Variants in PMM2 observed in about 807,000 individuals in gnomAD.
PMM2 encodes mannose-6-phosphate isomerase.
A neutral mutation model predicts 33.2 loss-of-function variants in PMM2; 35 were observed. The observed-to-expected ratio is 1.06, with a 90% CI of 0.81 to 1.40. The LOEUF is 1.40. Among genes scored for constraint, PMM2 ranks in the 40% most tolerant of loss-of-function variants. The pLI, the probability that PMM2 is intolerant of heterozygous loss-of-function variation, is 0.00. For missense variants in PMM2, 386 were observed against 306.0 expected (o/e 1.26, Z -1.95); for synonymous variants, 153 against 114.7 (o/e 1.33, Z -2.13).
chr16:8,847,425 A>G (rs972135700), intron 7 of PMM2, among the ~76,000 whole-genome samples: 11 of 148,722 alleles, frequency 7.4e-5, no homozygotes, highest in Admixed American at 5.4e-4. Context: ...TCACTCGCTG[A>G]TGCCTTCTGT....
intron 1 of PMM2, among the ~76,000 whole-genome samples, chr16:8,800,950 C>T (rs151234979): frequency 4.1e-4 from 63 of 152,258 alleles, no homozygotes; most frequent in African/African-American, 1.3e-3. Context: ...CCTAAAGTGC[C>T]GGGATTACAG....
intron 7 of PMM2, among the ~76,000 whole-genome samples, chr16:8,830,827 T>A (rs981959351): frequency 6.6e-6 from 1 of 152,254 alleles, no homozygotes; most frequent in African/African-American, 2.4e-5. Context: ...AGGAAAGAGC[T>A]GTTATCCTTT....
chr16:8,806,540 C>A, intron 4 of PMM2, 133 bp downstream of exon 4: 2 of 711,316 alleles, frequency 2.8e-6, no homozygotes, highest in South Asian at 3.0e-5. Flanking sequence ...TGATATTTAG[C>A]CCGCCCCTTG....
intron 6 of PMM2, among the ~76,000 whole-genome samples, chr16:8,812,353 T>C (rs2060682641): frequency 6.6e-6 from 1 of 152,188 alleles, no homozygotes; most frequent in Non-Finnish European, 1.5e-5. Flanking sequence ...CACCGATTTC[T>C]CTTGTCAGTG....
In PMM2 at chr16:8,833,641, G is replaced by A. The variant is rs369652788; in HGVS notation, c.640-14083G>A. On this transcript the variant is annotated intron_variant, in intron 7 of 7. Transcript: ENST00000268261. The stretch of plus-strand genomic sequence containing the variant: ...GTGGGAGAGATTAAGCTGAAGGGAG[G>A]TCTTGTGGTAAGGGGTGATATTGTG... Among the ~76,000 whole-genome samples the A allele has an allele frequency of 3.0e-4, 45 of 151,392 alleles. 1 individual carries two copies. The highest frequency in any genetic ancestry group is 1.7e-3 in the South Asian group (8 of 4,728).
Position 8,811,763 on chromosome 16 carries a change from G to A in PMM2, c.523+50G>A, listed in dbSNP as rs1188741169. On this transcript the variant is annotated intron_variant, in intron 6 of 7. Transcript: ENST00000268261. ...CAAACTTGGATACCCATTTCCCAGA[G>A]TTTGTTGTGGGCCAGTGAGCTATTG... The A allele has an allele frequency of 4.0e-6, 5 of 1,249,252 alleles. No homozygotes were observed. The African/African-American group carries it at 5.9e-5, about 15-fold the overall frequency. 77.4% of individuals were successfully genotyped at this position (1,249,252 alleles called of 1,614,324 possible).
chr16:8,832,891 C>T lies in PMM2; in HGVS notation c.640-14833C>T. The T allele has an allele frequency of 1.3e-5, 13 of 985,448 alleles. No homozygotes were observed. In the South Asian group the frequency reaches 5.2e-4, roughly 39 times the overall value. 61.0% of individuals were successfully genotyped at this position (985,448 alleles called of 1,614,324 possible). On this transcript the variant is annotated intron_variant, in intron 7 of 7. Coordinates refer to ENST00000268261, the MANE Select transcript of PMM2 (RefSeq NM_000303.3). ...TCCCTCAGATGCCAGGGTTCCCTCA[C>T]CCTCCAGGCCTGGCAGCCCTTCCCT...
At chr16:8,844,351 T>C (rs985267717) in intron 7 of PMM2, among the ~76,000 whole-genome samples, 4 of 151,866 alleles carry the variant, frequency 2.6e-5, no homozygotes, top group Non-Finnish European at 5.9e-5. Context: ...TGGGGGTTCT[T>C]ACCCTCCAGA....
Position 8,797,854 on chromosome 16 carries a change from C to T in PMM2, c.-29C>T. The T allele has an allele frequency of 6.2e-7, 1 of 1,608,116 alleles. No homozygotes were observed. Among genetic ancestry groups the T allele is most frequent in the South Asian group, 1.1e-5 (1 of 89,814 alleles). On this transcript the variant is annotated 5_prime_UTR_variant, in exon 1 of 8. Transcript: ENST00000268261. ...GGCCGAGTTCCTCGTGCCAACGTGT[C>T]TTGTAAGGTGCGGCTAGAAACTGGG... is the stretch of plus-strand genomic sequence containing the variant.
rs1011252741 is a variant in PMM2 at position 8,818,744 on chromosome 16, A to G, written c.639+5638A>G. The stretch of plus-strand genomic sequence containing the variant: ...GTGGCGTTGGCCGTTGCTTTTCAAA[A>G]TATTTGCCATCTTCAGAAACCCTGT... On this transcript the variant is annotated intron_variant, in intron 7 of 7. Coordinates refer to ENST00000268261, the MANE Select transcript of PMM2 (RefSeq NM_000303.3). Among the ~76,000 whole-genome samples the G allele has an allele frequency of 1.7e-4, 26 of 149,608 alleles. 1 individual carries two copies. The highest frequency in any genetic ancestry group is 6.7e-4 in the African/African-American group (26 of 39,018).
At chr16:8,833,367 T>C (rs11074943) in intron 7 of PMM2, among the ~76,000 whole-genome samples, 57,854 of 152,086 alleles carry the variant, frequency 0.38, 11,644 homozygotes, top group Non-Finnish European at 0.45. Flanking sequence ...CAGTTAAGGC[T>C]ATTTTTACTT....
At chr16:8,840,497 C>T (rs9797065) in intron 7 of PMM2, among the ~76,000 whole-genome samples, 6 of 151,832 alleles carry the variant, frequency 4.0e-5, no homozygotes, top group South Asian at 2.1e-4. Context: ...TTTTGGGGCT[C>T]GGCCTAAGTG....
At chr16:8,816,238 T>C (rs955715589) in intron 7 of PMM2, among the ~76,000 whole-genome samples, 2 of 152,060 alleles carry the variant, frequency 1.3e-5, no homozygotes, top group South Asian at 4.1e-4. Context: ...GCTATTCTTA[T>C]ACCTCAGCCT....
intron 7 of PMM2, among the ~76,000 whole-genome samples, chr16:8,827,329 G>T (rs1212610934): frequency 6.9e-6 from 1 of 144,654 alleles, no homozygotes; most frequent in African/African-American, 2.6e-5. Context: ...CTCATTCCTC[G>T]AAGAAAAAAA....
At chr16:8,800,220 G>A (rs2060605246) in intron 1 of PMM2, among the ~76,000 whole-genome samples, 1 of 152,000 alleles carries the variant, frequency 6.6e-6, no homozygotes, top group African/African-American at 2.4e-5. Flanking sequence ...GATTAGCCGA[G>A]CATGATGGCG....
At chr16:8,801,938 G>A in intron 2 of PMM2, 28 bp downstream of exon 2, 1 of 1,412,590 alleles carries the variant, frequency 7.1e-7, no homozygotes, top group Non-Finnish European at 1.0e-6. Flanking sequence ...AATTACATCT[G>A]GTAAAAGATT....
intron 6 of PMM2, 78 bp downstream of exon 6, chr16:8,811,791 A>G (rs2060679492): frequency 2.0e-6 from 2 of 985,496 alleles, no homozygotes; most frequent in Non-Finnish European, 3.3e-6. Flanking sequence ...AGCTATTGAT[A>G]ATGAAGTATG....
In PMM2 at chr16:8,811,075, C is replaced by T; in HGVS notation, c.348-4C>T. 1 of 1,535,924 alleles carries T rather than the reference C, an allele frequency of 6.5e-7. No homozygotes were observed. The highest frequency in any genetic ancestry group is 8.9e-7 in the Non-Finnish European group (1 of 1,127,496). On this transcript the variant is annotated splice_region_variant and splice_polypyrimidine_tract_variant and intron_variant, in intron 4 of 7. Transcript: ENST00000268261. ...GAGAAACTCTGTCACCCTTTCATTC[C>T]CAGGGGTACTTTCATTGAATTCCGA...
At chr16:8,812,711 C>T (rs897740067) in intron 6 of PMM2, among the ~76,000 whole-genome samples, 5 of 152,202 alleles carry the variant, frequency 3.3e-5, no homozygotes, top group African/African-American at 1.2e-4. Context: ...TTCCTTTAAA[C>T]CACACGCTTG....
Sources: allele counts gnomAD v4.1 joint callset (sites outside exome capture counted in the v4.1 genomes callset), GRCh38; gene constraint gnomAD v4.1.1; transcripts MANE v1.5; gene names NCBI Gene and HGNC (gene_info 2026-07-23, HGNC 2026-07-21).